CNTNAP2: variants seen among roughly 807,000 people sequenced by gnomAD.
CNTNAP2 encodes contactin-associated protein-like 2.
Under a neutral mutation model 155.2 loss-of-function variants are expected in CNTNAP2, and 98 were observed. The observed-to-expected ratio is 0.63, with a 90% CI of 0.54 to 0.75. CNTNAP2 has a LOEUF of 0.75. Ranked by LOEUF, CNTNAP2 falls within the 30% of genes least tolerant of loss-of-function variation. CNTNAP2 has a pLI of 0.00. For synonymous variants in CNTNAP2, 651 were observed against 631.2 expected (o/e 1.03, Z -0.47); for missense variants, 1,727 against 1,688.1 (o/e 1.02, Z -0.40).
At chr7:147,569,391 A>C (rs529558543) in intron 12 of CNTNAP2, among the ~76,000 whole-genome samples, 3 of 152,246 alleles carry the variant, frequency 2.0e-5, no homozygotes, top group Non-Finnish European at 4.4e-5. Context: ...AAAGCAAAAC[A>C]GTTTCTATCC....
At chr7:148,180,629 T>G (rs1157657057) in intron 18 of CNTNAP2, among the ~76,000 whole-genome samples, 3 of 152,128 alleles carry the variant, frequency 2.0e-5, no homozygotes, top group Non-Finnish European at 4.4e-5. Context: ...GTGGATTCCT[T>G]TACCTCCTCA....
At chr7:147,258,523 C>T (rs991656410) in intron 8 of CNTNAP2, among the ~76,000 whole-genome samples, 5 of 151,952 alleles carry the variant, frequency 3.3e-5, no homozygotes, top group African/African-American at 7.3e-5. Flanking sequence ...GATTGCAGCA[C>T]CCCCTAACTG....
intron 1 of CNTNAP2, among the ~76,000 whole-genome samples, chr7:146,346,181 T>C (rs563665341): frequency 2.6e-4 from 39 of 152,264 alleles, no homozygotes; most frequent in African/African-American, 9.1e-4. Flanking sequence ...GTACCTGTAG[T>C]GGCCTGTTAG....
At chr7:146,351,887 A>C (rs1254626894) in intron 1 of CNTNAP2, among the ~76,000 whole-genome samples, 1 of 152,220 alleles carries the variant, frequency 6.6e-6, no homozygotes, top group Non-Finnish European at 1.5e-5. Flanking sequence ...TGTGAAAGGT[A>C]AAGTCCAGTC....
chr7:147,838,982 G>A (rs376394165), intron 13 of CNTNAP2, among the ~76,000 whole-genome samples: 17 of 152,212 alleles, frequency 1.1e-4, no homozygotes, highest in East Asian at 5.8e-4. Flanking sequence ...ATGATCATAA[G>A]GTGAGATCCC....
intron 1 of CNTNAP2, among the ~76,000 whole-genome samples, chr7:146,496,977 G>A (rs960083625): frequency 2.0e-5 from 3 of 152,176 alleles, no homozygotes; most frequent in African/African-American, 7.2e-5. Flanking sequence ...TTGGAATTGT[G>A]GAGTGGGCAT....
intron 1 of CNTNAP2, among the ~76,000 whole-genome samples, chr7:146,643,491 A>T (rs1217445834): frequency 6.6e-6 from 1 of 152,006 alleles, no homozygotes; most frequent in Admixed American, 6.6e-5. Context: ...GTTATTTCTG[A>T]GGGCTGTGTT....
At chr7:146,165,420 A>C (rs1798297997) in intron 1 of CNTNAP2, among the ~76,000 whole-genome samples, 1 of 152,172 alleles carries the variant, frequency 6.6e-6, no homozygotes, top group African/African-American at 2.4e-5. Context: ...GAAAAGAGGA[A>C]TATTATTGAA....
chr7:147,545,829 G>A (rs571805583), intron 11 of CNTNAP2, among the ~76,000 whole-genome samples: 7 of 152,148 alleles, frequency 4.6e-5, no homozygotes, highest in Non-Finnish European at 1.0e-4. Context: ...TAATTCCCAC[G>A]TGTTGTAGAG....
intron 21 of CNTNAP2, among the ~76,000 whole-genome samples, chr7:148,331,734 G>A (rs62470612): frequency 0.14 from 2,248 of 15,554 alleles, 93 homozygotes; most frequent in Non-Finnish European, 0.2. Context: ...TTGGATGGAT[G>A]GAGTGGATGG....
At chr7:147,555,694 T>C (rs945562912) in intron 11 of CNTNAP2, among the ~76,000 whole-genome samples, 2 of 152,252 alleles carry the variant, frequency 1.3e-5, no homozygotes, top group Non-Finnish European at 2.9e-5. Context: ...AGTAAGTTTC[T>C]CACATGGGTT....
chr7:148,283,259 G>GAAA (rs371469453), intron 21 of CNTNAP2, among the ~76,000 whole-genome samples: 1 of 39,144 alleles, frequency 2.6e-5, no homozygotes, highest in Non-Finnish European at 4.5e-5. Flanking sequence ...AAAAAAAAAA[G>GAAA]AAAGAAAGAA....
intron 8 of CNTNAP2, among the ~76,000 whole-genome samples, chr7:147,269,595 A>G (rs1804693857): frequency 6.6e-6 from 1 of 152,184 alleles, no homozygotes; most frequent in African/African-American, 2.4e-5. Context: ...CATGTTTGCT[A>G]TATTCCTCTT....
intron 10 of CNTNAP2, among the ~76,000 whole-genome samples, chr7:147,414,252 C>A (rs1044173580): frequency 2.0e-5 from 3 of 151,672 alleles, no homozygotes; most frequent in Admixed American, 1.3e-4. Flanking sequence ...TGCTGAAACC[C>A]GTGTCTGCTA....
In CNTNAP2 at chr7:146,702,993, A is replaced by G. The variant is rs528787859; in HGVS notation, c.98-71278A>G. 5.3e-5 allele frequency among the ~76,000 whole-genome samples: 8 copies of G among 152,276 alleles called. No homozygotes were observed. In the South Asian group the frequency reaches 1.5e-3, roughly 28 times the overall value. On this transcript the variant is annotated intron_variant, in intron 1 of 23. Transcript: ENST00000361727. ...TTGAGAGTTTCTCTTTTTACGTGAGACAAATCCCCAAGGGATCCTTAAAAA... is the reference window on the plus strand; with the variant it reads ...TTGAGAGTTTCTCTTTTTACGTGAGGCAAATCCCCAAGGGATCCTTAAAAA...
intron 13 of CNTNAP2, among the ~76,000 whole-genome samples, chr7:147,762,611 TGTTA>T (rs138442865): frequency 0.021 from 3,160 of 152,024 alleles, 92 homozygotes; most frequent in African/African-American, 0.072. Context: ...TGGAATTAAC[TGTTA>T]ATTAACTGTG....
chr7:147,400,120 T>C (rs1184239820), intron 10 of CNTNAP2, among the ~76,000 whole-genome samples: 5 of 152,178 alleles, frequency 3.3e-5, no homozygotes, highest in African/African-American at 9.7e-5. Context: ...CCAGCCTCTT[T>C]CCAGGTGTGA....
chr7:147,570,116 A>G (rs557527247), intron 12 of CNTNAP2, among the ~76,000 whole-genome samples: 84 of 152,194 alleles, frequency 5.5e-4, no homozygotes, highest in African/African-American at 1.8e-3. Context: ...ATAATTACCC[A>G]TTTGATTAAC....
At position 147,786,762 on chromosome 7, in the gene CNTNAP2, G is replaced by A. The variant is rs563793556; in HGVS notation, c.2099-116803G>A. Among the ~76,000 whole-genome samples the A allele has an allele frequency of 1.7e-3, 253 of 152,218 alleles. 1 individual carries two copies. Among genetic ancestry groups the A allele is most frequent in the African/African-American group, 5.8e-3 (240 of 41,542 alleles). ...GCTGGAGGATCACTTGAGGCCAGGA[G>A]TTCAAGACCAGCCTGGGCCACACTG... is the stretch of plus-strand genomic sequence containing the variant. On this transcript the variant is annotated intron_variant, in intron 13 of 23. Transcript: ENST00000361727.
Sources: gnomAD v4.1 joint callset for allele counts (sites outside exome capture counted in the v4.1 genomes callset) on GRCh38, gnomAD v4.1.1 for gene constraint, MANE v1.5 for transcripts, NCBI Gene and HGNC (gene_info 2026-07-23, HGNC 2026-07-21) for gene names.